Variants in FNTB observed in about 807,000 individuals in gnomAD.
The protein encoded by FNTB is farnesyltransferase, CAAX box, subunit beta.
A neutral mutation model predicts 59.4 loss-of-function variants in FNTB; 27 were observed. The observed-to-expected ratio is 0.45, with a 90% confidence interval of 0.34 to 0.63. The LOEUF is 0.63. Ranked by LOEUF, FNTB falls within the 20% of genes least tolerant of loss-of-function variation. The pLI is 0.02. For synonymous variants in FNTB, 230 were observed against 220.7 expected, an observed-to-expected ratio of 1.04 and a Z score of -0.37; for missense variants, 449 against 559.6, an observed-to-expected ratio of 0.80 and a Z score of 1.99.
chr14:65,058,046 G>A (rs2062778182), intron 11 of FNTB, among the ~76,000 whole-genome samples: 1 of 151,674 alleles, frequency 6.6e-6, no homozygotes, highest in South Asian at 2.1e-4. Flanking sequence ...GGATCAGCCT[G>A]TCAAGTTCTA....
At chr14:64,998,996 A>C (rs1172652818) in intron 1 of FNTB, among the ~76,000 whole-genome samples, 1 of 152,250 alleles carries the variant, frequency 6.6e-6, no homozygotes. Context: ...AATAATATGA[A>C]TAAAAAGAAA....
In FNTB at chr14:65,044,449, C is replaced by T. The variant is rs1206043315; in HGVS notation, c.955+6C>T. On this transcript the variant is annotated splice_donor_region_variant and intron_variant, in intron 9 of 11. Transcript: ENST00000246166. This position sits in a 1 kb window ranked among gnomAD's most constrained non-coding sequence, Gnocchi z 5.5. ...CCGCGCACTGCACGCCCAAGGTGAG[C>T]CTGGGGAGCTGTTCACTTGGGGCTG... 6.3e-7 allele frequency: 1 copy of T among 1,598,892 alleles called. No individual in the cohort carries two copies. The highest frequency in any genetic ancestry group is 1.3e-5 in the African/African-American group (1 of 74,128).
rs2062441492 is a variant in FNTB, at chr14:65,044,914, T to G, written c.955+471T>G. On this transcript the variant is annotated intron_variant, in intron 9 of 11. Coordinates refer to ENST00000246166, the MANE Select transcript of FNTB (RefSeq NM_002028.4). The surrounding 1 kb of genome is among the most constrained non-coding windows in gnomAD (Gnocchi z 5.5). The stretch of plus-strand genomic sequence containing the variant: ...GTAGGGGTGGGTTGTAGGGGTGGGT[T>G]GCCCCTACACCATGGAGAAGAGACT... The G allele has an allele frequency of 6.5e-6, 1 of 154,534 alleles. No individual in the cohort carries two copies. Among genetic ancestry groups the G allele is most frequent in the Non-Finnish European group, 1.4e-5 (1 of 69,840 alleles). The allele number at this position is 154,534 out of a possible 1,614,324, so 9.6% of individuals were successfully genotyped here.
intron 3 of FNTB, 184 bp from the exon 4 acceptor site, chr14:65,015,441 T>G (rs1595024318): frequency 6.4e-6 from 2 of 312,702 alleles, no homozygotes; most frequent in Non-Finnish European, 1.2e-5. Context: ...TTTTAACAGA[T>G]GGTCATTTCA....
Position 65,061,572 on chromosome 14 carries a change from G to T in FNTB, c.*260G>T, listed in dbSNP as rs1393222739. The T allele has an allele frequency of 5.1e-6, 2 of 395,556 alleles. No homozygotes were observed. Among genetic ancestry groups the T allele is most frequent in the East Asian group, 9.3e-5 (2 of 21,480 alleles). 24.5% of individuals were successfully genotyped at this position (395,556 alleles called of 1,614,324 possible). On this transcript the variant is annotated 3_prime_UTR_variant, in exon 12 of 12. Coordinates refer to ENST00000246166, the MANE Select transcript of FNTB (RefSeq NM_002028.4). Reference sequence around the variant, plus strand: ...TGTGGTTGGTGAACAGTGCATGCCAGGAGGAAGCAGTCCCTCCTCACCAGC... The same window carrying T: ...TGTGGTTGGTGAACAGTGCATGCCATGAGGAAGCAGTCCCTCCTCACCAGC...
intron 7 of FNTB, among the ~76,000 whole-genome samples, chr14:65,039,221 T>C (rs2062287271): frequency 6.6e-6 from 1 of 152,198 alleles, no homozygotes; most frequent in East Asian, 1.9e-4. Flanking sequence ...GGCTTATCAG[T>C]TCCCTCAGAG....
At chr14:65,020,542 C>T (rs1018561469) in intron 4 of FNTB, among the ~76,000 whole-genome samples, 17 of 152,168 alleles carry the variant, frequency 1.1e-4, no homozygotes, top group Non-Finnish European at 1.9e-4. Context: ...TCTCCTGCCT[C>T]GGCCTCCCGA....
intron 4 of FNTB, among the ~76,000 whole-genome samples, chr14:65,022,656 C>T (rs965996529): frequency 6.6e-6 from 1 of 151,886 alleles, no homozygotes; most frequent in Non-Finnish European, 1.5e-5. Flanking sequence ...CACGAGCCAC[C>T]ACACCCAGCC....
intron 10 of FNTB, among the ~76,000 whole-genome samples, chr14:65,053,919 T>C (rs1395786450): frequency 6.6e-6 from 1 of 152,166 alleles, no homozygotes; most frequent in Non-Finnish European, 1.5e-5. Context: ...TTTCTAGATA[T>C]TTAGGTATTT....
chr14:65,024,791 T>A (rs529803747), intron 4 of FNTB, among the ~76,000 whole-genome samples: 2 of 152,214 alleles, frequency 1.3e-5, no homozygotes, highest in South Asian at 2.1e-4. Flanking sequence ...GAAAAAAAAA[T>A]ATTTTTTTGT....
At chr14:64,998,039 T>C (rs1271589577) in intron 1 of FNTB, among the ~76,000 whole-genome samples, 1 of 152,244 alleles carries the variant, frequency 6.6e-6, no homozygotes, top group Non-Finnish European at 1.5e-5. Context: ...TCCTGCACAT[T>C]CAAAATGTTA....
In FNTB at chr14:65,009,137, G is replaced by A. The variant is rs1421557876; in HGVS notation, c.210-3180G>A. On this transcript the variant is annotated intron_variant, in intron 2 of 11. Coordinates refer to ENST00000246166, the MANE Select transcript of FNTB (RefSeq NM_002028.4). The surrounding 1 kb of genome is among the most constrained non-coding windows in gnomAD (Gnocchi z 4.2). The stretch of plus-strand genomic sequence containing the variant: ...TACACAGAAAAGATTTTTGGATAGA[G>A]GTGAGTTGAGAATGAAGGACCGGTG... Among the ~76,000 whole-genome samples, 1 of 152,176 alleles carries A rather than the reference G, an allele frequency of 6.6e-6. No individual in the cohort carries two copies. The highest frequency in any genetic ancestry group is 6.5e-5 in the Admixed American group (1 of 15,278).
chr14:65,007,891 T>C lies in FNTB; in HGVS notation c.209+3578T>C, dbSNP rs1299928128. ...GCTCCTCAGAAGTGAGAAATATTGATAATGTCCCTGTGCTAATAGAGCCCT... is the reference window on the plus strand; with the variant it reads ...GCTCCTCAGAAGTGAGAAATATTGACAATGTCCCTGTGCTAATAGAGCCCT... On this transcript the variant is annotated intron_variant, in intron 2 of 11. Transcript: ENST00000246166. This position sits in a 1 kb window ranked among gnomAD's most constrained non-coding sequence, Gnocchi z 4.9. 1.3e-5 allele frequency among the ~76,000 whole-genome samples: 2 copies of C among 152,198 alleles called. No homozygotes were observed. Among genetic ancestry groups the C allele is most frequent in the Non-Finnish European group, 2.9e-5 (2 of 68,030 alleles).
chr14:65,056,354 G>A (rs756262955), intron 11 of FNTB, among the ~76,000 whole-genome samples: 3 of 152,172 alleles, frequency 2.0e-5, no homozygotes, highest in Non-Finnish European at 4.4e-5. Flanking sequence ...TGCAGTGAAC[G>A]TTGTGGTATC....
rs1348883599 is a variant in FNTB, at chr14:65,023,994, C to T, written c.375-3459C>T. Among the ~76,000 whole-genome samples, 1 of 151,736 alleles carries T rather than the reference C, an allele frequency of 6.6e-6. No homozygotes were observed. The highest frequency in any genetic ancestry group is 1.5e-5 in the Non-Finnish European group (1 of 67,948). On this transcript the variant is annotated intron_variant, in intron 4 of 11. Coordinates refer to ENST00000246166, the MANE Select transcript of FNTB (RefSeq NM_002028.4). This position sits in a 1 kb window ranked among gnomAD's most constrained non-coding sequence, Gnocchi z 4.1. ...GCATGCACCTGTAGTCCCAGCTACT[C>T]GGGAGGCTGAGGGAGGAGAATCACT... is the stretch of plus-strand genomic sequence containing the variant.
At chr14:65,008,566 A>T (rs1339265856) in intron 2 of FNTB, among the ~76,000 whole-genome samples, 2 of 152,260 alleles carry the variant, frequency 1.3e-5, no homozygotes, top group African/African-American at 4.8e-5. Context: ...TTGGGAAGTT[A>T]GGGAAGGCTT....
intron 1 of FNTB, among the ~76,000 whole-genome samples, chr14:64,992,086 C>T (rs1438349769): frequency 1.3e-5 from 2 of 152,140 alleles, no homozygotes; most frequent in Non-Finnish European, 2.9e-5. Flanking sequence ...TATGATAAAA[C>T]TTCCCAACTT....
chr14:65,060,824 G>A (rs995929342), intron 11 of FNTB, among the ~76,000 whole-genome samples: 1 of 135,392 alleles, frequency 7.4e-6, no homozygotes, highest in Non-Finnish European at 1.5e-5. Context: ...AGTGAGCTAA[G>A]ATCGTGTCAA....
chr14:65,037,636 G>A (rs993379374), intron 7 of FNTB, among the ~76,000 whole-genome samples: 3 of 149,356 alleles, frequency 2.0e-5, no homozygotes. Flanking sequence ...CATTGCCCAG[G>A]TTGGTCTCAA....
Sources: allele counts gnomAD v4.1 joint callset (sites outside exome capture counted in the v4.1 genomes callset), GRCh38; gene constraint gnomAD v4.1.1; non-coding constraint Gnocchi (gnomAD v3.1); transcripts MANE v1.5; gene names NCBI Gene and HGNC (gene_info 2026-07-23, HGNC 2026-07-21).